ZFAND3: variants seen among roughly 807,000 people sequenced by gnomAD.
The protein encoded by ZFAND3 is zinc finger AN1-type containing 3, also known as AN1-type zinc finger protein 3.
A neutral mutation model predicts 29.6 loss-of-function variants in ZFAND3; 10 were observed. That is an observed-to-expected ratio of 0.34 (90% CI 0.21 to 0.57). ZFAND3 has a LOEUF of 0.57. Ranked by LOEUF, ZFAND3 falls within the 20% of genes least tolerant of loss-of-function variation. The pLI is 0.86. For missense variants in ZFAND3, 230 were observed against 304.5 expected (o/e 0.76, Z 1.82); for synonymous variants, 128 against 112.6 (o/e 1.14, Z -0.87).
At chr6:37,845,434 A>G (rs1249434112) in intron 1 of ZFAND3, among the ~76,000 whole-genome samples, 2 of 152,222 alleles carry the variant, frequency 1.3e-5, no homozygotes, top group Admixed American at 6.5e-5. Context: ...AAGGGTAAAC[A>G]TAAATGAAAT....
chr6:38,061,532 G>A, intron 2 of ZFAND3, 61 bp from the exon 3 acceptor site: 1 of 1,585,362 alleles, frequency 6.3e-7, no homozygotes, highest in South Asian at 1.1e-5. Context: ...AACTTCCATT[G>A]TTTTCTAATC....
chr6:37,979,395 G>A (rs1762543695), intron 2 of ZFAND3, among the ~76,000 whole-genome samples: 1 of 152,192 alleles, frequency 6.6e-6, no homozygotes, highest in Non-Finnish European at 1.5e-5. Context: ...TGGGTGCCAT[G>A]TATTTCTGTA....
intron 1 of ZFAND3, among the ~76,000 whole-genome samples, chr6:37,820,298 G>A (rs1302843102): frequency 6.6e-6 from 1 of 152,196 alleles, no homozygotes; most frequent in Non-Finnish European, 1.5e-5. Flanking sequence ...GAGGGGGGCA[G>A]GGCGGCGGGG....
intron 1 of ZFAND3, among the ~76,000 whole-genome samples, chr6:37,847,609 G>A (rs923029283): frequency 6.6e-6 from 1 of 152,014 alleles, no homozygotes; most frequent in Admixed American, 6.6e-5. Flanking sequence ...TACACAGAAA[G>A]TGTTATGGGT....
intron 2 of ZFAND3, among the ~76,000 whole-genome samples, chr6:38,003,951 A>T (rs1762997233): frequency 6.6e-6 from 1 of 152,044 alleles, no homozygotes; most frequent in South Asian, 2.1e-4. Flanking sequence ...TTTTTTCTTG[A>T]TGACTCTAAT....
chr6:37,958,740 C>A (rs890562698), intron 2 of ZFAND3, among the ~76,000 whole-genome samples: 1 of 152,040 alleles, frequency 6.6e-6, no homozygotes, highest in Non-Finnish European at 1.5e-5. Context: ...GACCGCCCCC[C>A]CCTTCCCCAC....
rs1365662759 is a variant in ZFAND3 at position 38,082,447 on chromosome 6, C to T, written c.351C>T (p.Ser117=). The change falls in exon 4 of 6, where the codon TCC becomes TCT. Residue 117 remains serine (S), a synonymous_variant. Transcript: ENST00000287218. The part of the protein sequence containing the change: ...HVSLITPTKR[S]CGTDSQSENE... ...CATTAATCACACCAACAAAAAGATC[C>T]TGTGGTACAGGTATGTACGTCATTC... 1 of 1,611,820 alleles carries T rather than the reference C, an allele frequency of 6.2e-7. No homozygotes were observed. Among genetic ancestry groups the T allele is most frequent in the Admixed American group, 1.7e-5 (1 of 59,776 alleles).
intron 2 of ZFAND3, among the ~76,000 whole-genome samples, chr6:37,987,992 G>C (rs535452416): frequency 1.3e-5 from 2 of 152,166 alleles, no homozygotes; most frequent in African/African-American, 2.4e-5. Context: ...CTAATTACTT[G>C]CATATTCTTA....
In ZFAND3 at chr6:37,993,939, C is replaced by T. The variant is rs1581821841; in HGVS notation, c.112+63940C>T. ...TCATTTTTTGCAAAGATACTAAAAT[C>T]CTTGAAAAAGTGAATGTTACCAGTA... On this transcript the variant is annotated intron_variant, in intron 2 of 5. Coordinates refer to ENST00000287218, the MANE Select transcript of ZFAND3 (RefSeq NM_021943.3). Among the ~76,000 whole-genome samples, 3 of 152,154 alleles carry T rather than the reference C, an allele frequency of 2.0e-5. No homozygotes were observed. In the East Asian group the frequency reaches 5.8e-4, roughly 29 times the overall value.
At chr6:37,867,848 T>G in intron 1 of ZFAND3, among the ~76,000 whole-genome samples, 1 of 152,202 alleles carries the variant, frequency 6.6e-6, no homozygotes, top group East Asian at 1.9e-4. Context: ...AAAAAGTACT[T>G]TGGGTGAAAG....
chr6:38,104,305 G>A (rs1379630123), intron 4 of ZFAND3, among the ~76,000 whole-genome samples: 4 of 150,688 alleles, frequency 2.7e-5, no homozygotes, highest in Admixed American at 6.6e-5. Flanking sequence ...GGACACTCTC[G>A]GGGTGGTTGA....
At chr6:38,000,118 A>G (rs768352077) in intron 2 of ZFAND3, among the ~76,000 whole-genome samples, 1 of 152,208 alleles carries the variant, frequency 6.6e-6, no homozygotes, top group East Asian at 1.9e-4. Context: ...AGTTTAAACA[A>G]TTTTTAAAAA....
chr6:37,965,375 G>T (rs998254739), intron 2 of ZFAND3, among the ~76,000 whole-genome samples: 3 of 152,050 alleles, frequency 2.0e-5, no homozygotes, highest in African/African-American at 4.8e-5. Flanking sequence ...CAGTCTCATG[G>T]ATGTCAGAAT....
intron 1 of ZFAND3, among the ~76,000 whole-genome samples, chr6:37,835,114 C>T (rs1197675511): frequency 2.0e-5 from 3 of 152,100 alleles, no homozygotes; most frequent in Non-Finnish European, 4.4e-5. Flanking sequence ...ATTTTGCTTA[C>T]GTTTCTATTA....
intron 1 of ZFAND3, among the ~76,000 whole-genome samples, chr6:37,867,306 C>T (rs766557517): frequency 1.3e-5 from 2 of 152,034 alleles, no homozygotes; most frequent in African/African-American, 4.8e-5. Flanking sequence ...TTTATATTTT[C>T]GTGCGTGAAA....
At chr6:37,876,396 A>G (rs1764793461) in intron 1 of ZFAND3, among the ~76,000 whole-genome samples, 2 of 152,210 alleles carry the variant, frequency 1.3e-5, no homozygotes, top group Admixed American at 1.3e-4. Flanking sequence ...GTTAGTGGTA[A>G]GTGAAGTCAT....
intron 1 of ZFAND3, among the ~76,000 whole-genome samples, chr6:37,874,322 C>G (rs1287725152): frequency 6.6e-6 from 1 of 152,098 alleles, no homozygotes; most frequent in Non-Finnish European, 1.5e-5. Flanking sequence ...TCGAGAACAG[C>G]CTGATCAACA....
At chr6:37,920,052 C>CTTTTT (rs11389241) in intron 1 of ZFAND3, among the ~76,000 whole-genome samples, 14 of 93,406 alleles carry the variant, frequency 1.5e-4, no homozygotes, top group East Asian at 3.1e-4. Flanking sequence ...TTTTTTGAAG[C>CTTTTT]TTTTTTTTTT....
intron 1 of ZFAND3, among the ~76,000 whole-genome samples, chr6:37,864,736 TATAC>T (rs1410088086): frequency 2.6e-4 from 20 of 77,626 alleles, no homozygotes; most frequent in Non-Finnish European, 3.6e-4. Context: ...TATATGTGGT[TATAC>T]ACACACACAC....
Sources: allele counts gnomAD v4.1 joint callset (sites outside exome capture counted in the v4.1 genomes callset), GRCh38; gene constraint gnomAD v4.1.1; transcripts MANE v1.5; gene names NCBI Gene and HGNC (gene_info 2026-07-23, HGNC 2026-07-21).